Variants in LRRC37B observed in about 807,000 individuals in gnomAD.
LRRC37B encodes leucine rich repeat containing 37B.
In LRRC37B, 28 loss-of-function variants were observed where a neutral mutation model predicts 98.3. The ratio of observed to expected loss-of-function variants is 0.28; its 90% CI spans 0.21 to 0.39. The LOEUF (loss-of-function observed/expected upper bound fraction) is 0.39. LRRC37B is among the 10% of genes least tolerant of loss of function. The probability of loss-of-function intolerance (pLI) is 1.00; values close to 1 mark genes in which losing one functional copy is unlikely to be tolerated. For synonymous variants in LRRC37B, 364 were observed against 442.7 expected, an observed-to-expected ratio of 0.82 and a Z score of 2.23; for missense variants, 938 against 1,182.7, an observed-to-expected ratio of 0.79 and a Z score of 3.03.
rs561237521 is a variant in LRRC37B at position 32,030,664 on chromosome 17, C to T, written c.1913C>T (p.Ser638Phe). 21 of 1,459,708 alleles carry T rather than the reference C, an allele frequency of 1.4e-5. No homozygotes were observed. The highest frequency in any genetic ancestry group is 2.0e-5 in the Non-Finnish European group (21 of 1,073,946). 90.4% of individuals were successfully genotyped at this position (1,459,708 alleles called of 1,614,324 possible). Residue 638 changes from serine (S) to phenylalanine (F), a missense_variant, in exon 4 of 12, where the codon TCC becomes TTC. Physicochemically the swap from Ser to Phe is radical, Grantham distance 155. This residue lies in a region of LRRC37B where 328 missense variants were observed against 557.0 expected (regional missense o/e 0.59). Coordinates refer to ENST00000327564, the Ensembl canonical transcript of LRRC37B. ...CCTTTTATTTTTCCTAGAGATTTAT[C>T]CTGCAATAAAATACGATATATTGAA...
upstream of LRRC37B, chr17:32,007,757 C>A: frequency 8.4e-7 from 1 of 1,193,448 alleles, no homozygotes; most frequent in Non-Finnish European, 1.0e-6. This position sits in a 1 kb window ranked among gnomAD's most constrained non-coding sequence, Gnocchi z 4.1. Context: ...AGGTGGGCAG[C>A]CGCCAGGCTG....
At position 32,034,999 on chromosome 17, in the gene LRRC37B, C is replaced by T; in HGVS notation, c.2129+18C>T. The T allele has an allele frequency of 6.7e-7, 1 of 1,492,680 alleles. No homozygotes were observed. Among genetic ancestry groups the T allele is most frequent in the Non-Finnish European group, 9.3e-7 (1 of 1,080,840 alleles). The allele number at this position is 1,492,680 out of a possible 1,614,324, so 92.5% of individuals were successfully genotyped here. ...AAATATCTGTAAGTACTATAGTACT[C>T]TCATGAGTCATGAGATGATTTATGC... On this transcript the variant is annotated intron_variant, in intron 6 of 11. Transcript: ENST00000327564.
intron 7 of LRRC37B, among the ~76,000 whole-genome samples, chr17:32,038,817 C>T (rs1237970326): frequency 3.3e-5 from 5 of 152,080 alleles, no homozygotes; most frequent in African/African-American, 1.2e-4. Context: ...AAGATTGCAC[C>T]ACTGCACTCC....
chr17:32,009,638 A>C (rs1296264443), intron 1 of LRRC37B, among the ~76,000 whole-genome samples: 3 of 149,906 alleles, frequency 2.0e-5, no homozygotes, highest in African/African-American at 7.4e-5. Flanking sequence ...TTCTTCTTTT[A>C]TTTTATTTTT....
intron 1 of LRRC37B, among the ~76,000 whole-genome samples, chr17:32,009,971 G>A (rs1240915996): frequency 6.6e-6 from 1 of 152,216 alleles, no homozygotes; most frequent in Non-Finnish European, 1.5e-5. Context: ...GGTAGTAAGA[G>A]TTCTTTATAT....
chr17:32,039,779 C>G (rs1911374129), intron 7 of LRRC37B, among the ~76,000 whole-genome samples: 1 of 151,226 alleles, frequency 6.6e-6, no homozygotes, highest in Non-Finnish European at 1.5e-5. Flanking sequence ...CTTCATTTGG[C>G]ACTCTGCTCC....
intron 1 of LRRC37B, among the ~76,000 whole-genome samples, chr17:32,023,120 C>CTTTTT (rs1224317741): frequency 1.5e-5 from 2 of 133,098 alleles, no homozygotes; most frequent in Non-Finnish European, 1.6e-5. Context: ...GCTTCACCCT[C>CTTTTT]TTTTTTTTTT....
At chr17:32,008,383 C>CT (rs779546121) in intron 1 of LRRC37B, among the ~76,000 whole-genome samples, 2 of 152,282 alleles carry the variant, frequency 1.3e-5, no homozygotes, top group East Asian at 1.9e-4. Context: ...CCCCAACTCC[C>CT]TTTTTTTCTC....
At chr17:32,037,773 T>C (rs752857756) in intron 7 of LRRC37B, among the ~76,000 whole-genome samples, 6 of 152,168 alleles carry the variant, frequency 3.9e-5, no homozygotes, top group East Asian at 1.9e-4. Context: ...GAGGCTTTTT[T>C]CCCCTGTTAT....
rs190972020 is a variant in LRRC37B at position 32,012,111 on chromosome 17, T to C, written c.-191+3979T>C. On this transcript the variant is annotated intron_variant, in intron 1 of 14. Coordinates refer to the LRRC37B transcript ENST00000543378. ...AGTTTGTAATAGGAAAGATGTGTCCTGCTGCCGTTAGGTAAAGTGTTTCAT... is the reference window on the plus strand; with the variant it reads ...AGTTTGTAATAGGAAAGATGTGTCCCGCTGCCGTTAGGTAAAGTGTTTCAT... Among the ~76,000 whole-genome samples, 257 of 152,336 alleles carry C rather than the reference T, an allele frequency of 1.7e-3. 1 individual carries two copies. The highest frequency in any genetic ancestry group is 7.3e-4 in the Non-Finnish European group (50 of 68,032).
chr17:32,023,415 G>A (rs957104113), intron 1 of LRRC37B, among the ~76,000 whole-genome samples: 1 of 152,184 alleles, frequency 6.6e-6, no homozygotes, highest in African/African-American at 2.4e-5. Flanking sequence ...GAGCCACCGC[G>A]CCTGGCCCGC....
intron 3 of LRRC37B, chr17:32,029,003 A>T (rs1403495985): frequency 6.6e-6 from 1 of 151,662 alleles, no homozygotes; most frequent in Non-Finnish European, 1.5e-5. Flanking sequence ...ATTTATTTTT[A>T]TTTATTATTT....
chr17:32,047,674 G>C, intron 8 of LRRC37B, 87 bp from the exon 12 acceptor site: 1 of 1,590,638 alleles, frequency 6.3e-7, no homozygotes, highest in Non-Finnish European at 8.6e-7. Flanking sequence ...CTCTTACTCT[G>C]TGTGACTGGG....
chr17:32,016,559 A>G (rs148154150), upstream of LRRC37B, among the ~76,000 whole-genome samples: 1 of 152,244 alleles, frequency 6.6e-6, no homozygotes, highest in African/African-American at 2.4e-5. Flanking sequence ...GGGAGTATCC[A>G]TTTTCTTGAA....
chr17:32,043,776 C>T (rs1198634043), intron 7 of LRRC37B, among the ~76,000 whole-genome samples: 5 of 152,038 alleles, frequency 3.3e-5, no homozygotes, highest in African/African-American at 9.7e-5. Context: ...TACATCATAC[C>T]CCCAACTCAC....
chr17:32,021,500 T>C (rs750440829), exon 1 of LRRC37B: 1 of 1,614,046 alleles, frequency 6.2e-7, no homozygotes, highest in Non-Finnish European at 8.5e-7. Context: ...TGGCTGCACA[T>C]CAGGACTTAA....
chr17:32,024,768 T>C (rs1910897361), exon 2 of LRRC37B: 1 of 1,605,352 alleles, frequency 6.2e-7, no homozygotes, highest in African/African-American at 1.3e-5. Flanking sequence ...AAGCATACAG[T>C]TGGACCGAGA....
chr17:32,048,748 G>A (rs1911657913), intron 9 of LRRC37B, among the ~76,000 whole-genome samples: 2 of 152,188 alleles, frequency 1.3e-5, no homozygotes, highest in Non-Finnish European at 2.9e-5. Context: ...CAAAGAGGCC[G>A]CTGTTCTCTG....
chr17:32,040,362 C>T (rs2957888), intron 7 of LRRC37B: 27 of 410,872 alleles, frequency 6.6e-5, no homozygotes, highest in East Asian at 5.2e-4. Context: ...GCCCCTGAGG[C>T]GTGCAGAGGG....
Sources: allele counts gnomAD v4.1 joint callset (sites outside exome capture counted in the v4.1 genomes callset), GRCh38; gene constraint gnomAD v4.1.1; regional missense constraint gnomAD v4.1.1; non-coding constraint Gnocchi (gnomAD v3.1); transcripts MANE v1.5; gene names NCBI Gene and HGNC (gene_info 2026-07-23, HGNC 2026-07-21).